DGLUCY: variants seen among roughly 807,000 people sequenced by gnomAD.
The protein encoded by DGLUCY is D-glutamate cyclase, mitochondrial.
In DGLUCY, 58 loss-of-function variants were observed where a neutral mutation model predicts 58.5. That is an observed-to-expected ratio of 0.99 (90% CI 0.80 to 1.23). DGLUCY has a LOEUF of 1.23. Ranked by LOEUF, DGLUCY falls within the 50% of genes most tolerant of loss-of-function variation. The pLI, the probability that DGLUCY is intolerant of heterozygous loss-of-function variation, is 0.00. For missense variants in DGLUCY, 779 were observed against 784.7 expected (o/e 0.99, Z 0.09); for synonymous variants, 325 against 314.1 (o/e 1.03, Z -0.37).
chr14:91,126,955 C>G (rs2045723050), intron 1 of DGLUCY, among the ~76,000 whole-genome samples: 1 of 151,770 alleles, frequency 6.6e-6, no homozygotes, highest in African/African-American at 2.4e-5. Flanking sequence ...TCCACATAAA[C>G]AATTCCAGAA....
At chr14:91,115,896 G>C (rs899626180) in intron 1 of DGLUCY, among the ~76,000 whole-genome samples, 2 of 152,184 alleles carry the variant, frequency 1.3e-5, no homozygotes, top group African/African-American at 4.8e-5. Context: ...CTGCTGGTTT[G>C]CCAAAGTCCC....
intron 9 of DGLUCY, among the ~76,000 whole-genome samples, chr14:91,191,190 G>T (rs1442589256): frequency 2.0e-5 from 3 of 152,190 alleles, no homozygotes; most frequent in Middle Eastern, 3.2e-3. Context: ...GACATCTTGA[G>T]AAGTAGATTA....
chr14:91,107,338 G>GTGAAA (rs1320388921), upstream of DGLUCY, among the ~76,000 whole-genome samples: 2 of 151,888 alleles, frequency 1.3e-5, no homozygotes, highest in African/African-American at 4.8e-5. Context: ...GGCCAACGTG[G>GTGAAA]TGAAACCCTG....
At position 91,127,477 on chromosome 14, in the gene DGLUCY, G is replaced by T. The variant is rs565715278; in HGVS notation, c.-82+13194G>T. ...GCCCCCTCTACACCCCGTTCTCCCT[G>T]AGTCTTCCTTCAGACTGCAGCCTTC... On this transcript the variant is annotated intron_variant, in intron 1 of 13. Coordinates refer to ENST00000256324, the MANE Select transcript of DGLUCY (RefSeq NM_001102368.3). Among the ~76,000 whole-genome samples the T allele has an allele frequency of 2.6e-5, 4 of 152,384 alleles. No individual in the cohort carries two copies. The East Asian group carries it at 5.8e-4, about 22-fold the overall frequency.
chr14:91,170,788 C>T (rs1170964210), intron 5 of DGLUCY, among the ~76,000 whole-genome samples: 1 of 152,334 alleles, frequency 6.6e-6, no homozygotes, highest in East Asian at 1.9e-4. Context: ...TCCTGGACAT[C>T]TGTTGGTAAA....
At chr14:91,213,830 G>C (rs1753633455) in intron 12 of DGLUCY, among the ~76,000 whole-genome samples, 1 of 151,998 alleles carries the variant, frequency 6.6e-6, no homozygotes, top group South Asian at 2.1e-4. Flanking sequence ...CTCCTGAGTA[G>C]CTAGGATTAC....
intron 1 of DGLUCY, among the ~76,000 whole-genome samples, chr14:91,077,636 C>G (rs1396163077): frequency 6.6e-6 from 1 of 151,772 alleles, no homozygotes; most frequent in Non-Finnish European, 1.5e-5. Context: ...CCTGTAGTCC[C>G]AGCTACTCAG....
Position 91,136,376 on chromosome 14 carries a change from G to C in DGLUCY, c.-81-21263G>C, listed in dbSNP as rs190500598. On this transcript the variant is annotated intron_variant, in intron 1 of 13. Transcript: ENST00000256324. ...TCTTAATGAAAGTTTTATGTGACACGAGAGCCTTTAGAAATTCAGACCCAG... is the reference window on the plus strand; with the variant it reads ...TCTTAATGAAAGTTTTATGTGACACCAGAGCCTTTAGAAATTCAGACCCAG... 2.1e-3 allele frequency among the ~76,000 whole-genome samples: 325 copies of C among 152,148 alleles called. 2 individuals are homozygous for C. Among genetic ancestry groups the C allele is most frequent in the Non-Finnish European group, 6.3e-4 (43 of 67,996 alleles).
chr14:91,074,438 C>G (rs1258654938), intron 1 of DGLUCY, among the ~76,000 whole-genome samples: 1 of 151,450 alleles, frequency 6.6e-6, no homozygotes, highest in Non-Finnish European at 1.5e-5. Context: ...ATGATGTGGT[C>G]TCATTGGACT....
At chr14:91,143,865 C>T (rs1423042146) in intron 1 of DGLUCY, among the ~76,000 whole-genome samples, 1 of 152,086 alleles carries the variant, frequency 6.6e-6, no homozygotes, top group Non-Finnish European at 1.5e-5. Flanking sequence ...CATGAAAAAA[C>T]GGAGACACAA....
chr14:91,147,836 GAGACC>G (rs758724541), intron 1 of DGLUCY: 1 of 152,202 alleles, frequency 6.6e-6, no homozygotes, highest in African/African-American at 2.4e-5. Context: ...GTGTGATTCT[GAGACC>G]AGACCAACCA....
chr14:91,093,910 G>A (rs369035649), intron 1 of DGLUCY, among the ~76,000 whole-genome samples: 1 of 151,996 alleles, frequency 6.6e-6, no homozygotes, highest in Non-Finnish European at 1.5e-5. Flanking sequence ...AACAGGTGAC[G>A]CCATAGAGGG....
intron 9 of DGLUCY, among the ~76,000 whole-genome samples, chr14:91,193,645 A>G (rs1680064946): frequency 1.3e-5 from 2 of 152,178 alleles, no homozygotes; most frequent in African/African-American, 2.4e-5. Flanking sequence ...ATTTGAGACC[A>G]GCCTGGCCAA....
intron 13 of DGLUCY, among the ~76,000 whole-genome samples, chr14:91,219,035 C>G (rs1446243568): frequency 6.6e-6 from 1 of 151,872 alleles, no homozygotes; most frequent in Non-Finnish European, 1.5e-5. Context: ...CAAAAATTAG[C>G]CAGGCGTGGT....
intron 1 of DGLUCY, among the ~76,000 whole-genome samples, chr14:91,085,270 G>A (rs1449698559): frequency 6.8e-6 from 1 of 147,802 alleles, no homozygotes; most frequent in Non-Finnish European, 1.5e-5. Flanking sequence ...TGCTCTCTCC[G>A]CTAAACAAGT....
At chr14:91,187,415 A>G (rs1461366023) in intron 8 of DGLUCY, among the ~76,000 whole-genome samples, 2 of 152,332 alleles carry the variant, frequency 1.3e-5, no homozygotes, top group East Asian at 3.9e-4. Context: ...TGTCCCACAC[A>G]CTGCCTTCGC....
At chr14:91,068,206 C>A (rs1289538820) in intron 1 of DGLUCY, among the ~76,000 whole-genome samples, 5 of 152,046 alleles carry the variant, frequency 3.3e-5, no homozygotes, top group African/African-American at 1.2e-4. Context: ...CCAGATACTA[C>A]CTTTCTAGCT....
intron 11 of DGLUCY, among the ~76,000 whole-genome samples, chr14:91,202,546 G>GGTTGGCTTCCAGCTTCCT (rs57212312): frequency 2.2e-4 from 33 of 152,110 alleles, no homozygotes; most frequent in Non-Finnish European, 2.6e-4. Context: ...CACACAGTGC[G>GGTTGGCTTCCAGCTTCCT]GTTGGCTTCC....
intron 8 of DGLUCY, among the ~76,000 whole-genome samples, chr14:91,183,588 C>T (rs1383697285): frequency 6.6e-6 from 1 of 152,148 alleles, no homozygotes; most frequent in Non-Finnish European, 1.5e-5. Flanking sequence ...CCAAGTTATA[C>T]TGTGCCAGGC....
Sources: gnomAD v4.1 joint callset for allele counts (sites outside exome capture counted in the v4.1 genomes callset) on GRCh38, gnomAD v4.1.1 for gene constraint, MANE v1.5 for transcripts, NCBI Gene and HGNC (gene_info 2026-07-23, HGNC 2026-07-21) for gene names.